The following KLHL32 variants were observed in gnomAD, a reference collection of about 807,000 sequenced individuals.
KLHL32 encodes the protein kelch-like protein 32.
A neutral mutation model predicts 64.8 loss-of-function variants in KLHL32; 35 were observed. That is an observed-to-expected ratio of 0.54 (90% CI 0.41 to 0.72). The LOEUF (loss-of-function observed/expected upper bound fraction) is 0.72, where lower values mean the gene tolerates loss of function less well. Among genes scored for constraint, KLHL32 ranks in the 30% least tolerant of loss-of-function variants. KLHL32 has a pLI of 0.00. For missense variants in KLHL32, 589 were observed against 768.5 expected (o/e 0.77, Z 2.76); for synonymous variants, 259 against 281.0 (o/e 0.92, Z 0.78).
chr6:96,952,736 A>G (rs1374883662), intron 1 of KLHL32, among the ~76,000 whole-genome samples: 2 of 152,212 alleles, frequency 1.3e-5, no homozygotes, highest in Non-Finnish European at 2.9e-5. Context: ...GTATCATCAC[A>G]AGGTGATCAC....
intron 3 of KLHL32, among the ~76,000 whole-genome samples, chr6:97,040,919 G>A (rs114506179): frequency 7.2e-5 from 11 of 151,988 alleles, no homozygotes; most frequent in Non-Finnish European, 1.0e-4. Flanking sequence ...CTTCGCCTTC[G>A]CCTTCCACCA....
At chr6:97,017,040 C>G (rs1781310959) in intron 3 of KLHL32, among the ~76,000 whole-genome samples, 1 of 152,134 alleles carries the variant, frequency 6.6e-6, no homozygotes, top group Non-Finnish European at 1.5e-5. Flanking sequence ...ATAAATTACC[C>G]AGTCTCAGGT....
chr6:97,091,056 CT>C (rs1297466868), intron 6 of KLHL32, among the ~76,000 whole-genome samples: 22 of 152,186 alleles, frequency 1.4e-4, no homozygotes, highest in African/African-American at 5.3e-4. Flanking sequence ...AGACCCCTGT[CT>C]CTACGAAAAT....
intron 3 of KLHL32, among the ~76,000 whole-genome samples, chr6:96,988,142 A>G (rs947158150): frequency 1.4e-4 from 22 of 152,360 alleles, no homozygotes; most frequent in African/African-American, 5.0e-4. Context: ...ACAGCAAAAG[A>G]AACTACCATC....
intron 3 of KLHL32, among the ~76,000 whole-genome samples, chr6:96,979,294 A>G (rs2128047279): frequency 6.6e-6 from 1 of 152,224 alleles, no homozygotes; most frequent in East Asian, 1.9e-4. Context: ...TAAGTCTTTA[A>G]TCCCTCTTGA....
At chr6:96,950,345 C>T (rs1048768364) in intron 1 of KLHL32, among the ~76,000 whole-genome samples, 4 of 151,994 alleles carry the variant, frequency 2.6e-5, no homozygotes, top group South Asian at 4.1e-4. Flanking sequence ...GATGTGATCC[C>T]TGCCCCTATA....
intron 9 of KLHL32, among the ~76,000 whole-genome samples, chr6:97,131,992 A>G (rs930459614): frequency 9.9e-5 from 15 of 152,190 alleles, no homozygotes; most frequent in African/African-American, 3.4e-4. Context: ...GATGGCCTCC[A>G]GGGAAGAATA....
rs534884660 is a variant in KLHL32, at chr6:96,961,052, T to C, written c.-65-5944T>C. On this transcript the variant is annotated intron_variant, in intron 1 of 10. Transcript: ENST00000369261. The stretch of plus-strand genomic sequence containing the variant: ...ATGAAGGACAAGGAAGGGGATTCTC[T>C]TCAGAATGTAGATTTTCCCCACAAG... 2.6e-5 allele frequency among the ~76,000 whole-genome samples: 4 copies of C among 152,318 alleles called. No homozygotes were observed. The South Asian group carries it at 8.3e-4, about 32-fold the overall frequency.
At chr6:96,997,576 T>C (rs1219783654) in intron 3 of KLHL32, among the ~76,000 whole-genome samples, 1 of 150,630 alleles carries the variant, frequency 6.6e-6, no homozygotes, top group Non-Finnish European at 1.5e-5. Context: ...AGTGAGACCC[T>C]GTCTCTATAA....
chr6:96,942,159 C>G lies in KLHL32; in HGVS notation c.-66+17133C>G, dbSNP rs114758674. Reference sequence around the variant, plus strand: ...TGCTTTACAGCCAGCGGTTACCCCACAGTCACTGTTTGTTAGCTTAGGCTT... The same window carrying G: ...TGCTTTACAGCCAGCGGTTACCCCAGAGTCACTGTTTGTTAGCTTAGGCTT... On this transcript the variant is annotated intron_variant, in intron 1 of 10. Coordinates refer to ENST00000369261, the MANE Select transcript of KLHL32 (RefSeq NM_052904.4). Among the ~76,000 whole-genome samples the G allele has an allele frequency of 9.7e-3, 1,479 of 152,320 alleles. 28 individuals carry two copies. The highest frequency in any genetic ancestry group is 0.034 in the African/African-American group (1,418 of 41,582).
At chr6:96,993,982 T>C (rs1562224989) in intron 3 of KLHL32, among the ~76,000 whole-genome samples, 1 of 152,018 alleles carries the variant, frequency 6.6e-6, no homozygotes, top group African/African-American at 2.4e-5. Flanking sequence ...TTGCTCTACA[T>C]AGAGATACTG....
chr6:96,988,931 A>C (rs1411271649), intron 3 of KLHL32, among the ~76,000 whole-genome samples: 1 of 152,076 alleles, frequency 6.6e-6, no homozygotes, highest in Non-Finnish European at 1.5e-5. Flanking sequence ...AGGAAGGGGA[A>C]CATCACACAC....
intron 2 of KLHL32, among the ~76,000 whole-genome samples, chr6:96,968,372 CA>C (rs1356174592): frequency 1.3e-5 from 2 of 150,868 alleles, no homozygotes; most frequent in South Asian, 2.1e-4. Context: ...AAACAAAAAA[CA>C]AAAAACAAAA....
chr6:97,087,944 G>A (rs1455343345), intron 6 of KLHL32, among the ~76,000 whole-genome samples: 1 of 152,118 alleles, frequency 6.6e-6, no homozygotes, highest in African/African-American at 2.4e-5. Context: ...TCATTCTGTG[G>A]ATCTGTGAAC....
At chr6:96,973,150 T>C (rs1775291960) in intron 2 of KLHL32, among the ~76,000 whole-genome samples, 1 of 152,224 alleles carries the variant, frequency 6.6e-6, no homozygotes, top group African/African-American at 2.4e-5. Context: ...GTTGTTTTCT[T>C]GAAGCTTGAA....
chr6:96,976,884 C>T (rs1775758291), intron 3 of KLHL32, among the ~76,000 whole-genome samples: 2 of 152,288 alleles, frequency 1.3e-5, no homozygotes, highest in South Asian at 4.1e-4. Flanking sequence ...CAGACACACA[C>T]CACCGCGGCC....
At chr6:97,060,508 C>G (rs544459378) in intron 4 of KLHL32, among the ~76,000 whole-genome samples, 1 of 152,122 alleles carries the variant, frequency 6.6e-6, no homozygotes, top group Non-Finnish European at 1.5e-5. Context: ...ACTGAGGTGG[C>G]CCACGTCATC....
At chr6:97,061,530 G>C (rs1381486062) in intron 4 of KLHL32, among the ~76,000 whole-genome samples, 3 of 152,164 alleles carry the variant, frequency 2.0e-5, no homozygotes, top group Non-Finnish European at 4.4e-5. Context: ...TTCCCACCCT[G>C]TGTGCTTTCA....
chr6:97,002,574 AG>A (rs1779170738), intron 3 of KLHL32, among the ~76,000 whole-genome samples: 2 of 152,182 alleles, frequency 1.3e-5, no homozygotes, highest in Non-Finnish European at 1.5e-5. Flanking sequence ...TTCATTACTC[AG>A]GTCCTAAGCG....
Sources: allele counts gnomAD v4.1 joint callset (sites outside exome capture counted in the v4.1 genomes callset), GRCh38; gene constraint gnomAD v4.1.1; transcripts MANE v1.5; gene names NCBI Gene and HGNC (gene_info 2026-07-23, HGNC 2026-07-21).